The following FMNL2 variants were observed in gnomAD, a reference collection of about 807,000 sequenced individuals.
FMNL2 encodes formin like 2.
Under a neutral mutation model 130.2 loss-of-function variants are expected in FMNL2, and 51 were observed. The ratio of observed to expected loss-of-function variants is 0.39; its 90% confidence interval spans 0.31 to 0.49. The LOEUF (loss-of-function observed/expected upper bound fraction) is 0.49, where lower values mean the gene tolerates loss of function less well. Among genes scored for constraint, FMNL2 ranks in the 20% least tolerant of loss-of-function variants. The pLI is 0.85. For synonymous variants in FMNL2, 465 were observed against 467.1 expected (o/e 1.00, Z 0.06); for missense variants, 977 against 1,316.2 (o/e 0.74, Z 3.99).
At chr2:152,475,598 C>T (rs1259369520) in intron 1 of FMNL2, among the ~76,000 whole-genome samples, 1 of 151,900 alleles carries the variant, frequency 6.6e-6, no homozygotes, top group Non-Finnish European at 1.5e-5. Flanking sequence ...AGGTTCCCGC[C>T]ATTCTCCTGT....
intron 9 of FMNL2, among the ~76,000 whole-genome samples, chr2:152,581,333 G>T (rs1696766665): frequency 6.6e-6 from 1 of 152,092 alleles, no homozygotes; most frequent in Admixed American, 6.5e-5. Flanking sequence ...AACCGGTTTT[G>T]TTACATGTAT....
At chr2:152,462,659 A>G (rs192719723) in intron 1 of FMNL2, among the ~76,000 whole-genome samples, 15 of 152,350 alleles carry the variant, frequency 9.8e-5, no homozygotes, top group African/African-American at 3.4e-4. Context: ...GATTCCTAAG[A>G]CTACTACATA....
intron 1 of FMNL2, among the ~76,000 whole-genome samples, chr2:152,386,477 G>A (rs1684788724): frequency 6.6e-6 from 1 of 151,630 alleles, no homozygotes; most frequent in Non-Finnish European, 1.5e-5. Context: ...ACTTGGAGGA[G>A]TCAGTGCCTG....
At chr2:152,480,528 G>A (rs541287932) in intron 1 of FMNL2, among the ~76,000 whole-genome samples, 15 of 149,252 alleles carry the variant, frequency 1.0e-4, no homozygotes, top group African/African-American at 3.5e-4. Context: ...CTAGATACTT[G>A]GGAGGCTGAG....
At chr2:152,524,929 C>G (rs1362384989) in intron 2 of FMNL2, among the ~76,000 whole-genome samples, 1 of 152,084 alleles carries the variant, frequency 6.6e-6, no homozygotes, top group Non-Finnish European at 1.5e-5. Flanking sequence ...TTTACTTTTT[C>G]TATTGAAAAA....
At chr2:152,405,656 T>C (rs1685942238) in intron 1 of FMNL2, among the ~76,000 whole-genome samples, 1 of 152,156 alleles carries the variant, frequency 6.6e-6, no homozygotes. Context: ...GACCAACTGG[T>C]CCAACTCCTC....
Position 152,382,584 on chromosome 2 carries a change from G to C in FMNL2, c.117+46864G>C, listed in dbSNP as rs35317652. On this transcript the variant is annotated intron_variant, in intron 1 of 25. Transcript: ENST00000288670. Reference sequence around the variant, plus strand: ...TTCAACTTTTAACTGCATTCTTAGGGCTCTTAATGTATTATGGACTTGAAA... The same window carrying C: ...TTCAACTTTTAACTGCATTCTTAGGCCTCTTAATGTATTATGGACTTGAAA... 1.1e-4 allele frequency among the ~76,000 whole-genome samples: 17 copies of C among 152,078 alleles called. No individual in the cohort carries two copies. The South Asian group carries it at 2.5e-3, about 22-fold the overall frequency.
intron 1 of FMNL2, among the ~76,000 whole-genome samples, chr2:152,481,786 C>T (rs1395270298): frequency 6.6e-6 from 1 of 152,190 alleles, no homozygotes; most frequent in Non-Finnish European, 1.5e-5. Flanking sequence ...ATGTTTGCAG[C>T]GTTATTTATC....
At chr2:152,566,431 A>AT in intron 6 of FMNL2, among the ~76,000 whole-genome samples, 1 of 152,138 alleles carries the variant, frequency 6.6e-6, no homozygotes, top group East Asian at 1.9e-4. Flanking sequence ...CACTGTGAGG[A>AT]AACTGGGGCC....
intron 4 of FMNL2, among the ~76,000 whole-genome samples, chr2:152,554,832 A>G (rs529907367): frequency 3.3e-5 from 5 of 152,330 alleles, no homozygotes; most frequent in African/African-American, 1.2e-4. Context: ...CATTCCATGA[A>G]AAAATGGCTA....
chr2:152,484,732 A>C (rs1292982702), intron 1 of FMNL2, among the ~76,000 whole-genome samples: 1 of 152,226 alleles, frequency 6.6e-6, no homozygotes, highest in Non-Finnish European at 1.5e-5. Flanking sequence ...CCTGCACTCC[A>C]GCCTGGGTGA....
At chr2:152,466,250 C>A (rs893965548) in intron 1 of FMNL2, among the ~76,000 whole-genome samples, 1 of 152,184 alleles carries the variant, frequency 6.6e-6, no homozygotes, top group Non-Finnish European at 1.5e-5. Flanking sequence ...CTGCCCGCTG[C>A]GGGGGAGGAC....
At chr2:152,564,768 C>A (rs1381783504) in intron 6 of FMNL2, among the ~76,000 whole-genome samples, 5 of 56,598 alleles carry the variant, frequency 8.8e-5, no homozygotes, top group Admixed American at 2.0e-4. Flanking sequence ...TTCTAAAATA[C>A]AAGGTTGGTT....
chr2:152,511,345 T>C (rs559025875), intron 1 of FMNL2, among the ~76,000 whole-genome samples: 1 of 152,292 alleles, frequency 6.6e-6, no homozygotes, highest in South Asian at 2.1e-4. Context: ...AATCACATTT[T>C]AATATGTAAG....
In FMNL2 at chr2:152,619,552, G is replaced by GCCCCCCCCCCCC. The variant is rs1553488328; in HGVS notation, c.1676_1677insCCCCCCCCCCCC (p.Pro570_Pro573dup). The stretch of plus-strand genomic sequence containing the variant: ...CACCACCTATGCCACCGCCGCCGCC[G>GCCCCCCCCCCCC]CCCCCTCCTCCACCTCCTCCTCCCC... On this transcript the variant is annotated inframe_insertion, in exon 15 of 26. Transcript: ENST00000288670. 13 of 1,417,836 alleles carry GCCCCCCCCCCCC rather than the reference G, an allele frequency of 9.2e-6. No homozygotes were observed. Among genetic ancestry groups the GCCCCCCCCCCCC allele is most frequent in the Admixed American group, 2.2e-5 (1 of 44,696 alleles). The allele number at this position is 1,417,836 out of a possible 1,614,324, so 87.8% of individuals were successfully genotyped here. A position where few individuals can be genotyped will look rare whatever the true frequency, so the allele number is the denominator to read the frequency against.
chr2:152,357,215 CAGTTTAATGTATCACGATAAAT>C (rs1682880306), intron 1 of FMNL2, among the ~76,000 whole-genome samples: 7 of 66,844 alleles, frequency 1.0e-4, no homozygotes, highest in Admixed American at 4.8e-4. Flanking sequence ...AATATTAAAT[CAGTTTAATGTATCACGATAAAT>C]ATTAAATCAG....
intron 15 of FMNL2, among the ~76,000 whole-genome samples, chr2:152,620,023 C>G (rs1699172453): frequency 6.6e-6 from 1 of 151,974 alleles, no homozygotes; most frequent in African/African-American, 2.4e-5. Flanking sequence ...GCTTGAGGAT[C>G]AGTGCATTTT....
At chr2:152,572,453 TC>T (rs974453228) in intron 6 of FMNL2, among the ~76,000 whole-genome samples, 1 of 152,096 alleles carries the variant, frequency 6.6e-6, no homozygotes, top group Non-Finnish European at 1.5e-5. Context: ...ATCTTGTAAA[TC>T]CTCATTCTGT....
chr2:152,596,245 G>T (rs1580056065), intron 9 of FMNL2, among the ~76,000 whole-genome samples: 1 of 152,082 alleles, frequency 6.6e-6, no homozygotes, highest in East Asian at 1.9e-4. Flanking sequence ...TTACAGGCAT[G>T]AGCCACTGAG....
Sources: allele counts gnomAD v4.1 joint callset (sites outside exome capture counted in the v4.1 genomes callset), GRCh38; gene constraint gnomAD v4.1.1; transcripts MANE v1.5; gene names NCBI Gene and HGNC (gene_info 2026-07-23, HGNC 2026-07-21).